ASB3: variants seen among roughly 807,000 people sequenced by gnomAD.
The protein encoded by ASB3 is ankyrin repeat and SOCS box protein 3.
In ASB3, 41 loss-of-function variants were observed where a neutral mutation model predicts 54.5. The observed-to-expected ratio is 0.75, with a 90% confidence interval of 0.59 to 0.98. The LOEUF is 0.98. Among genes scored for constraint, ASB3 ranks in the 50% least tolerant of loss-of-function variants. The pLI is 0.00. For synonymous variants in ASB3, 266 were observed against 221.2 expected (o/e 1.20, Z -1.80); for missense variants, 733 against 620.0 (o/e 1.18, Z -1.94).
At chr2:53,730,694 C>T (rs1439726125) in intron 3 of ASB3, among the ~76,000 whole-genome samples, 1 of 152,172 alleles carries the variant, frequency 6.6e-6, no homozygotes, top group African/African-American at 2.4e-5. Context: ...TCTCCTCAAC[C>T]TCGCCAGCAC....
intron 7 of ASB3, among the ~76,000 whole-genome samples, chr2:53,707,460 T>C (rs898577660): frequency 1.3e-5 from 2 of 151,736 alleles, no homozygotes; most frequent in South Asian, 4.2e-4. Context: ...CTAGCTAACA[T>C]GGTGAAACCC....
At chr2:53,716,829 G>C in intron 5 of ASB3, 86 bp from the exon 6 acceptor site, 1 of 1,413,298 alleles carries the variant, frequency 7.1e-7, no homozygotes, top group Non-Finnish European at 9.4e-7. Context: ...CCATAAAAGG[G>C]TTTCGTAGCA....
At chr2:53,781,412 CAAAA>C (rs201329287) in intron 1 of ASB3, among the ~76,000 whole-genome samples, 4 of 103,534 alleles carry the variant, frequency 3.9e-5, no homozygotes, top group Admixed American at 2.0e-4. Flanking sequence ...ACTCTGTCTC[CAAAA>C]AAAAAAAAAA....
chr2:53,783,813 C>G (rs1000493509), intron 1 of ASB3, among the ~76,000 whole-genome samples: 11 of 152,124 alleles, frequency 7.2e-5, no homozygotes, highest in African/African-American at 2.7e-4. Flanking sequence ...ATTAAATTAC[C>G]TGTTTAATCC....
intron 2 of ASB3, among the ~76,000 whole-genome samples, chr2:53,760,698 C>T (rs1343473255): frequency 3.3e-5 from 5 of 152,156 alleles, no homozygotes; most frequent in Non-Finnish European, 7.3e-5. Flanking sequence ...ATCAGATGGC[C>T]AAATCATTAT....
intron 2 of ASB3, among the ~76,000 whole-genome samples, chr2:53,759,009 C>T (rs1037611396): frequency 2.6e-5 from 4 of 152,160 alleles, no homozygotes; most frequent in Non-Finnish European, 4.4e-5. Flanking sequence ...ATGCTTTTAT[C>T]GGACATAGAC....
At chr2:53,694,698 T>A (rs909529305) in intron 8 of ASB3, 4 of 152,164 alleles carry the variant, frequency 2.6e-5, no homozygotes, top group African/African-American at 4.8e-5. Context: ...GAGCACTGGC[T>A]TAAGAAAAGT....
At chr2:53,713,858 A>C (rs1014598839) in intron 7 of ASB3, among the ~76,000 whole-genome samples, 1 of 152,110 alleles carries the variant, frequency 6.6e-6, no homozygotes, top group Non-Finnish European at 1.5e-5. Context: ...AGTTGCAATG[A>C]GTCAAGATGG....
intron 8 of ASB3, among the ~76,000 whole-genome samples, chr2:53,696,198 T>C (rs557682138): frequency 3.3e-5 from 5 of 152,276 alleles, no homozygotes; most frequent in African/African-American, 7.2e-5. Flanking sequence ...GTAACCAAAG[T>C]TACTCCTCAG....
At chr2:53,689,282 CATA>C (rs1199285899) in intron 9 of ASB3, among the ~76,000 whole-genome samples, 1 of 152,066 alleles carries the variant, frequency 6.6e-6, no homozygotes, top group Non-Finnish European at 1.5e-5. Flanking sequence ...AGAGCATTAC[CATA>C]AGGTTGAAGT....
At chr2:53,730,590 A>G (rs1010544770) in intron 3 of ASB3, among the ~76,000 whole-genome samples, 8 of 152,156 alleles carry the variant, frequency 5.3e-5, no homozygotes, top group African/African-American at 1.4e-4. Flanking sequence ...GTCAAATGGC[A>G]GTTGTGTTTA....
intron 9 of ASB3, among the ~76,000 whole-genome samples, chr2:53,679,337 C>G (rs556632960): frequency 6.6e-6 from 1 of 152,270 alleles, no homozygotes; most frequent in South Asian, 2.1e-4. Flanking sequence ...AACACCAAGT[C>G]CCCTACCCAA....
intron 7 of ASB3, among the ~76,000 whole-genome samples, chr2:53,709,119 G>C (rs559383234): frequency 1.3e-5 from 2 of 152,332 alleles, no homozygotes; most frequent in East Asian, 1.9e-4. Flanking sequence ...CTTCCCAGCA[G>C]CCTTACCCAT....
At chr2:53,670,915 G>C (rs902848017) in intron 9 of ASB3, among the ~76,000 whole-genome samples, 1 of 152,166 alleles carries the variant, frequency 6.6e-6, no homozygotes, top group Non-Finnish European at 1.5e-5. Context: ...TTCAAAGTCA[G>C]TATCCAGGGC....
intron 2 of ASB3, among the ~76,000 whole-genome samples, chr2:53,756,176 T>A (rs889095022): frequency 6.6e-5 from 10 of 151,938 alleles, no homozygotes; most frequent in East Asian, 3.9e-4. Context: ...TTTAAAAAAA[T>A]TTTTTTAATT....
rs1669048616 is a variant in ASB3, at chr2:53,693,914, A to C, written c.1339T>G (p.Ser447Ala). Reference protein sequence around the residue: ...AVERMLSARASNAWILQQHIA... With the variant: ...AVERMLSARAANAWILQQHIA... ...TGTTGCTGTAGAATCCAAGCGTTTG[A>C]GGCACGAGCAGAGAGCATCCTTTCA... Residue 447 changes from serine to alanine, a missense_variant, in exon 9 of 10, where the codon TCA (serine) becomes GCA (alanine). By Grantham distance (99) the Ser-to-Ala change is moderately conservative (BLOSUM62 1). Coordinates refer to ENST00000263634, the MANE Select transcript of ASB3 (RefSeq NM_016115.5). The C allele has an allele frequency of 6.2e-6, 10 of 1,613,450 alleles. No homozygotes were observed. The highest frequency in any genetic ancestry group is 8.5e-6 in the Non-Finnish European group (10 of 1,179,600).
Position 53,670,756 on chromosome 2 carries a change from A to G in ASB3, c.1370-66T>C, listed in dbSNP as rs1030621087. On this transcript the variant is annotated intron_variant, in intron 9 of 9. Coordinates refer to ENST00000263634, the MANE Select transcript of ASB3 (RefSeq NM_016115.5). Reference sequence around the variant, plus strand: ...GAAAGATGTAATAGCACATAAAGGTAAATTTTTTTTTCCCCCAACTCTTAG... The same window carrying G: ...GAAAGATGTAATAGCACATAAAGGTGAATTTTTTTTTCCCCCAACTCTTAG... 20 of 1,515,830 alleles carry G rather than the reference A, an allele frequency of 1.3e-5. No homozygotes were observed. In the African/African-American group the frequency reaches 2.0e-4, roughly 15 times the overall value. The allele number at this position is 1,515,830 out of a possible 1,614,324, so 93.9% of individuals were successfully genotyped here.
chr2:53,715,688 A>C (rs1177821186), intron 6 of ASB3, among the ~76,000 whole-genome samples: 1 of 152,114 alleles, frequency 6.6e-6, no homozygotes, highest in Non-Finnish European at 1.5e-5. Context: ...TAATTTTTTT[A>C]AGTAGGTGGG....
Position 53,750,936 on chromosome 2 carries a change from A to G in ASB3, c.202T>C (p.Ser68Pro), listed in dbSNP as rs1672478352. 1.9e-6 allele frequency: 3 copies of G among 1,550,534 alleles called. No individual in the cohort carries two copies. Among genetic ancestry groups the G allele is most frequent in the Non-Finnish European group, 2.6e-6 (3 of 1,150,264 alleles). The change falls in exon 3 of 10, where the codon TCT becomes CCT. Residue 68 changes from serine (S) to proline (P), a missense_variant. By Grantham distance (74) the Ser-to-Pro change is moderately conservative. Coordinates refer to ENST00000263634, the MANE Select transcript of ASB3 (RefSeq NM_016115.5). ...GTCTTCATCTTAATGTAGTTTTCAG[A>G]TGAATCTGTGGAAGAATCAAAGCCC... Reference protein sequence around the residue: ...CLQMLINADSSENYIKMKTFE... With the variant: ...CLQMLINADSPENYIKMKTFE...
Sources: gnomAD v4.1 joint callset for allele counts (sites outside exome capture counted in the v4.1 genomes callset) on GRCh38, gnomAD v4.1.1 for gene constraint, MANE v1.5 for transcripts, NCBI Gene and HGNC (gene_info 2026-07-23, HGNC 2026-07-21) for gene names.